The following NLN variants were observed in gnomAD, a reference collection of about 807,000 sequenced individuals.
NLN encodes the protein neurolysin, mitochondrial.
A neutral mutation model predicts 79.9 loss-of-function variants in NLN; 64 were observed. The ratio of observed to expected loss-of-function variants is 0.80; its 90% CI spans 0.65 to 0.99. The LOEUF is 0.99. Ranked by LOEUF, NLN falls within the 50% of genes least tolerant of loss-of-function variation. The pLI is 0.00. For missense variants in NLN, 835 were observed against 858.7 expected (o/e 0.97, Z 0.34); for synonymous variants, 267 against 296.6 (o/e 0.90, Z 1.02).
At chr5:65,804,282 A>C (rs1484650260) in intron 9 of NLN, among the ~76,000 whole-genome samples, 1 of 152,196 alleles carries the variant, frequency 6.6e-6, no homozygotes, top group East Asian at 1.9e-4. Flanking sequence ...CCTTATCTCA[A>C]AAAGGGAGAT....
intron 9 of NLN, among the ~76,000 whole-genome samples, chr5:65,805,889 G>A (rs1447559105): frequency 5.9e-5 from 9 of 152,222 alleles, no homozygotes; most frequent in Non-Finnish European, 1.3e-4. Context: ...CTCCTCTTAG[G>A]AGTTAATGCA....
At chr5:65,724,383 C>T (rs1758408819) in intron 1 of NLN, among the ~76,000 whole-genome samples, 1 of 152,146 alleles carries the variant, frequency 6.6e-6, no homozygotes, top group African/African-American at 2.4e-5. Flanking sequence ...TTTAGTATAG[C>T]GTTTTTAAGG....
In NLN at chr5:65,757,696, A is replaced by G. The variant is rs557300619; in HGVS notation, c.42-871A>G. Among the ~76,000 whole-genome samples, 29 of 152,310 alleles carry G rather than the reference A, an allele frequency of 1.9e-4. 1 individual carries two copies. Among genetic ancestry groups the G allele is most frequent in the African/African-American group, 6.7e-4 (28 of 41,572 alleles). The stretch of plus-strand genomic sequence containing the variant: ...TTTTAAGGGAGTAAAGACTGGTATC[A>G]TTATTCTAAACAATTTCTTTTTTCT... On this transcript the variant is annotated intron_variant, in intron 1 of 12. Coordinates refer to ENST00000380985, the MANE Select transcript of NLN (RefSeq NM_020726.5).
chr5:65,757,662 G>C (rs899493880), intron 1 of NLN, among the ~76,000 whole-genome samples: 91 of 152,250 alleles, frequency 6.0e-4, no homozygotes, highest in African/African-American at 2.1e-3. Flanking sequence ...AGTATTACTA[G>C]TTTGAATGTT....
At chr5:65,785,468 T>C (rs1759898857) in intron 6 of NLN, among the ~76,000 whole-genome samples, 1 of 152,166 alleles carries the variant, frequency 6.6e-6, no homozygotes, top group African/African-American at 2.4e-5. Flanking sequence ...TCAGTAGAAG[T>C]AAATATGGAT....
intron 10 of NLN, 123 bp from the exon 11 acceptor site, chr5:65,809,914 A>T: frequency 8.7e-7 from 1 of 1,152,172 alleles, no homozygotes; most frequent in Non-Finnish European, 1.2e-6. Context: ...AAGTAGAATG[A>T]GATGTCCTGC....
intron 12 of NLN, among the ~76,000 whole-genome samples, chr5:65,822,268 G>A (rs755583103): frequency 8.5e-5 from 13 of 152,212 alleles, no homozygotes; most frequent in East Asian, 1.9e-4. Flanking sequence ...CCTCCCCTGC[G>A]GGGCACGTAC....
In NLN at chr5:65,756,585, A is replaced by C. The variant is rs1261438608; in HGVS notation, c.42-1982A>C. On this transcript the variant is annotated intron_variant, in intron 1 of 12. Coordinates refer to ENST00000380985, the MANE Select transcript of NLN (RefSeq NM_020726.5). Reference sequence around the variant, plus strand: ...CTAAAACACAAATCTGTTATCTGTCACCTGATTAAAACCTTTCTATGGCTC... The same window carrying C: ...CTAAAACACAAATCTGTTATCTGTCCCCTGATTAAAACCTTTCTATGGCTC... Among the ~76,000 whole-genome samples the C allele has an allele frequency of 2.0e-5, 3 of 152,140 alleles. No homozygotes were observed. In the East Asian group the frequency reaches 5.8e-4, roughly 29 times the overall value.
intron 6 of NLN, among the ~76,000 whole-genome samples, chr5:65,782,132 C>T (rs145118109): frequency 2.2e-4 from 34 of 152,316 alleles, no homozygotes; most frequent in African/African-American, 7.7e-4. Flanking sequence ...ACTATGGTGA[C>T]GTTTCTTGGT....
At chr5:65,813,927 C>CAA (rs60573203) in intron 12 of NLN, among the ~76,000 whole-genome samples, 5 of 141,098 alleles carry the variant, frequency 3.5e-5, no homozygotes, top group African/African-American at 1.3e-4. Context: ...GAGATTATCT[C>CAA]AAAAAAAAAA....
chr5:65,772,451 G>C lies in NLN; in HGVS notation c.451-4976G>C, dbSNP rs116247996. Among the ~76,000 whole-genome samples the C allele has an allele frequency of 1.9e-4, 29 of 152,212 alleles. 1 individual carries two copies. The highest frequency in any genetic ancestry group is 6.7e-4 in the African/African-American group (28 of 41,508). ...CTCACACAGAAGCAGTGAATCTTGC[G>C]ATGGCATATTGAATTAGTAGTCAGC... On this transcript the variant is annotated intron_variant, in intron 3 of 12. Transcript: ENST00000380985.
At chr5:65,761,673 T>A (rs1297788409) in intron 2 of NLN, among the ~76,000 whole-genome samples, 1 of 152,252 alleles carries the variant, frequency 6.6e-6, no homozygotes, top group Non-Finnish European at 1.5e-5. Flanking sequence ...TTCAAAATTT[T>A]CTATTCCATT....
intron 2 of NLN, among the ~76,000 whole-genome samples, chr5:65,762,129 TA>T (rs1263446871): frequency 6.6e-6 from 1 of 152,196 alleles, no homozygotes. Context: ...TAAACCAAAC[TA>T]AATTATCATT....
At chr5:65,740,934 C>T (rs192611652) in intron 1 of NLN, 72 of 150,314 alleles carry the variant, frequency 4.8e-4, no homozygotes, top group Admixed American at 1.9e-3. Context: ...TGTGCAGTGG[C>T]GTGATCTTGG....
intron 11 of NLN, among the ~76,000 whole-genome samples, chr5:65,810,391 C>A (rs1414020997): frequency 6.6e-6 from 1 of 152,196 alleles, no homozygotes; most frequent in Admixed American, 6.5e-5. Flanking sequence ...TGTAATCAGG[C>A]ATGAGCAGTT....
At chr5:65,756,556 T>A (rs1351875413) in intron 1 of NLN, among the ~76,000 whole-genome samples, 1 of 152,218 alleles carries the variant, frequency 6.6e-6, no homozygotes, top group Non-Finnish European at 1.5e-5. Flanking sequence ...TTTGAGTGAT[T>A]TCTCTAAAAC....
chr5:65,736,982 A>C (rs1248579352), intron 1 of NLN, among the ~76,000 whole-genome samples: 1 of 152,028 alleles, frequency 6.6e-6, no homozygotes, highest in Non-Finnish European at 1.5e-5. Context: ...GCATTCATCT[A>C]TGGTCCCAGC....
intron 4 of NLN, among the ~76,000 whole-genome samples, chr5:65,777,815 A>T (rs565201818): frequency 6.6e-6 from 1 of 152,350 alleles, no homozygotes; most frequent in African/African-American, 2.4e-5. Flanking sequence ...CAATTTGTGC[A>T]ACAAAAAACA....
At chr5:65,800,307 C>T (rs1283865334) in intron 9 of NLN, among the ~76,000 whole-genome samples, 1 of 152,194 alleles carries the variant, frequency 6.6e-6, no homozygotes, top group African/African-American at 2.4e-5. Context: ...CAAAGTTAAT[C>T]TCTATAGCAT....
Sources: allele counts gnomAD v4.1 joint callset (sites outside exome capture counted in the v4.1 genomes callset), GRCh38; gene constraint gnomAD v4.1.1; transcripts MANE v1.5; gene names NCBI Gene and HGNC (gene_info 2026-07-23, HGNC 2026-07-21).